Variants in BCL2 observed in about 807,000 individuals in gnomAD.
BCL2 encodes BCL2 apoptosis regulator.
Under a neutral mutation model 14.2 loss-of-function variants are expected in BCL2, and 1 was observed. The observed-to-expected ratio is 0.07, with a 90% confidence interval of 0.02 to 0.33. The LOEUF is 0.33. Ranked by LOEUF, BCL2 falls within the 10% of genes least tolerant of loss-of-function variation. BCL2 has a pLI of 0.99. For missense variants in BCL2, 247 were observed against 305.9 expected (o/e 0.81, Z 1.44); for synonymous variants, 151 against 137.2 (o/e 1.10, Z -0.70).
intron 2 of BCL2, among the ~76,000 whole-genome samples, chr18:63,223,315 G>A (rs950761307): frequency 2.0e-5 from 3 of 151,988 alleles, no homozygotes; most frequent in Non-Finnish European, 4.4e-5. Context: ...CAGGAGCATG[G>A]TGTGAACCCG....
chr18:63,246,650 T>G (rs1177243193), intron 2 of BCL2, among the ~76,000 whole-genome samples: 1 of 152,128 alleles, frequency 6.6e-6, no homozygotes, highest in Non-Finnish European at 1.5e-5. Flanking sequence ...GAAATTTGGG[T>G]GGGGACACAG....
At chr18:63,247,745 C>A (rs533935792) in intron 2 of BCL2, among the ~76,000 whole-genome samples, 1 of 152,228 alleles carries the variant, frequency 6.6e-6, no homozygotes, top group East Asian at 1.9e-4. Context: ...TGTCACCAAG[C>A]CACCATTCCA....
rs1476209576 is a variant in BCL2 at position 63,249,705 on chromosome 18, G to A, written c.585+68377C>T. On this transcript the variant is annotated intron_variant, in intron 2 of 2. Coordinates refer to ENST00000333681, the MANE Select transcript of BCL2 (RefSeq NM_000633.3). ...AGCCTGGGTGACAGAGTAAGACTCC[G>A]CCTCAAAAAAAAAAAAAAAAAAAAA... Among the ~76,000 whole-genome samples, 24 of 69,790 alleles carry A rather than the reference G, an allele frequency of 3.4e-4. No individual in the cohort carries two copies. The East Asian group carries it at 5.6e-3, about 16-fold the overall frequency. The allele number at this position is 69,790 out of a possible 152,430, so 45.8% of individuals were successfully genotyped here.
At chr18:63,291,926 G>A (rs991529982) in intron 2 of BCL2, among the ~76,000 whole-genome samples, 1 of 151,974 alleles carries the variant, frequency 6.6e-6, no homozygotes, top group Admixed American at 6.6e-5. Flanking sequence ...GATTCCCATG[G>A]GAAGCAAGTT....
At chr18:63,320,038 A>G (rs1568269513), upstream of BCL2, 2 of 147,656 alleles carry the variant, frequency 1.4e-5, no homozygotes, top group African/African-American at 4.9e-5. Context: ...CTTCGCTGGC[A>G]GCGGCGGCGG....
chr18:63,138,252 CT>C (rs1454636314), intron 2 of BCL2, among the ~76,000 whole-genome samples: 1 of 152,214 alleles, frequency 6.6e-6, no homozygotes, highest in East Asian at 1.9e-4. Flanking sequence ...GAAGTGAGGA[CT>C]TTTTTCTACC....
intron 2 of BCL2, among the ~76,000 whole-genome samples, chr18:63,183,663 G>T (rs1028332459): frequency 6.6e-6 from 1 of 152,212 alleles, no homozygotes; most frequent in Non-Finnish European, 1.5e-5. Context: ...ATCATTCCAT[G>T]TGTGGAAGGA....
intron 2 of BCL2, among the ~76,000 whole-genome samples, chr18:63,203,503 C>A (rs1909756790): frequency 6.6e-6 from 1 of 152,198 alleles, no homozygotes; most frequent in African/African-American, 2.4e-5. Flanking sequence ...AAGTTGAGCA[C>A]ATGTATATCT....
chr18:63,138,804 G>A (rs560106988), intron 2 of BCL2, among the ~76,000 whole-genome samples: 2 of 152,338 alleles, frequency 1.3e-5, no homozygotes, highest in Admixed American at 6.5e-5. Context: ...AAACTTGCCC[G>A]CTTACCACAG....
chr18:63,260,549 A>G (rs1430611839), intron 2 of BCL2, among the ~76,000 whole-genome samples: 5 of 152,352 alleles, frequency 3.3e-5, no homozygotes, highest in African/African-American at 1.2e-4. Flanking sequence ...GATAGCACAG[A>G]CAGCAAAGGG....
At chr18:63,173,748 A>G (rs1725165546) in intron 2 of BCL2, among the ~76,000 whole-genome samples, 1 of 152,158 alleles carries the variant, frequency 6.6e-6, no homozygotes, top group Non-Finnish European at 1.5e-5. Flanking sequence ...ATTACTATGA[A>G]CTCTAATAGG....
At chr18:63,202,356 T>C (rs950355523) in intron 2 of BCL2, among the ~76,000 whole-genome samples, 3 of 152,186 alleles carry the variant, frequency 2.0e-5, no homozygotes, top group Admixed American at 6.5e-5. Context: ...GTTAGAATAC[T>C]GGCAGCACAA....
At chr18:63,202,071 G>C (rs527271433) in intron 2 of BCL2, among the ~76,000 whole-genome samples, 45 of 152,298 alleles carry the variant, frequency 3.0e-4, no homozygotes, top group African/African-American at 1.0e-3. Context: ...CACTTGGAGA[G>C]GCCGAAGCAG....
intron 2 of BCL2, among the ~76,000 whole-genome samples, chr18:63,205,523 A>G (rs571722587): frequency 6.6e-6 from 1 of 152,298 alleles, no homozygotes; most frequent in South Asian, 2.1e-4. Context: ...TCCTCCACAC[A>G]CCATCTTTCA....
intron 2 of BCL2, among the ~76,000 whole-genome samples, chr18:63,260,563 A>G (rs1447208734): frequency 6.6e-6 from 1 of 152,226 alleles, no homozygotes; most frequent in Non-Finnish European, 1.5e-5. Context: ...CAAAGGGCCA[A>G]CCAGGCCAGA....
intron 2 of BCL2, among the ~76,000 whole-genome samples, chr18:63,177,299 G>A (rs1915373285): frequency 6.6e-6 from 1 of 152,290 alleles, no homozygotes; most frequent in African/African-American, 2.4e-5. Context: ...GAGGACAGGG[G>A]AAGAGTTCAC....
At position 63,125,611 on chromosome 18, in the gene BCL2, A is replaced by G. The variant is rs1210531637; in HGVS notation, c.*3014T>C. Reference sequence around the variant, plus strand: ...AAGAGCAGTTAAGATGCAGATGTGAATCCCTCTTCAATACAAAATAGGGAT... The same window carrying G: ...AAGAGCAGTTAAGATGCAGATGTGAGTCCCTCTTCAATACAAAATAGGGAT... On this transcript the variant is annotated 3_prime_UTR_variant, in exon 3 of 3. Coordinates refer to ENST00000333681, the MANE Select transcript of BCL2 (RefSeq NM_000633.3). 2 of 212,892 alleles carry G rather than the reference A, an allele frequency of 9.4e-6. No homozygotes were observed. Among genetic ancestry groups the G allele is most frequent in the African/African-American group, 4.5e-5 (2 of 44,208 alleles). 13.2% of individuals were successfully genotyped at this position (212,892 alleles called of 1,614,324 possible). A position where few individuals can be genotyped will look rare whatever the true frequency, so the allele number is the denominator to read the frequency against.
chr18:63,272,071 A>G (rs956320901), intron 2 of BCL2, among the ~76,000 whole-genome samples: 2 of 152,234 alleles, frequency 1.3e-5, no homozygotes, highest in African/African-American at 4.8e-5. Flanking sequence ...GAGTGCCACA[A>G]GCAATCAAGT....
chr18:63,174,675 C>T (rs1440277686), intron 2 of BCL2, among the ~76,000 whole-genome samples: 2 of 152,064 alleles, frequency 1.3e-5, no homozygotes, highest in East Asian at 3.9e-4. Flanking sequence ...CCAAAACTAG[C>T]CGGGCGTAGT....
Sources: gnomAD v4.1 joint callset for allele counts (sites outside exome capture counted in the v4.1 genomes callset) on GRCh38, gnomAD v4.1.1 for gene constraint, MANE v1.5 for transcripts, NCBI Gene and HGNC (gene_info 2026-07-23, HGNC 2026-07-21) for gene names.